SASH1: variants seen among roughly 807,000 people sequenced by gnomAD.
The protein encoded by SASH1 is SAM and SH3 domain containing 1.
Under a neutral mutation model 125.2 loss-of-function variants are expected in SASH1, and 44 were observed. That is an observed-to-expected ratio of 0.35 (90% CI 0.28 to 0.45). SASH1 has a LOEUF of 0.45. Among genes scored for constraint, SASH1 ranks in the 20% least tolerant of loss-of-function variants. SASH1 has a pLI of 1.00. For synonymous variants in SASH1, 639 were observed against 649.1 expected, an observed-to-expected ratio of 0.98 and a Z score of 0.24; for missense variants, 1,426 against 1,614.5, an observed-to-expected ratio of 0.88 and a Z score of 2.00.
chr6:148,457,825 CCTT>C (rs1305803607), intron 4 of SASH1, among the ~76,000 whole-genome samples: 11 of 152,148 alleles, frequency 7.2e-5, no homozygotes, highest in African/African-American at 2.7e-4. Context: ...ACAAACACAT[CCTT>C]CTTCACATGA....
chr6:148,421,012 A>T (rs1044553634), intron 2 of SASH1, among the ~76,000 whole-genome samples: 2 of 151,840 alleles, frequency 1.3e-5, no homozygotes, highest in Non-Finnish European at 2.9e-5. Context: ...TGAACCTGGG[A>T]GGCGGAGGTT....
Position 148,531,665 on chromosome 6 carries a change from A to C in SASH1, c.1564+4A>C, listed in dbSNP as rs1781528307. 1 of 1,516,808 alleles carries C rather than the reference A, an allele frequency of 6.6e-7. No homozygotes were observed. The highest frequency in any genetic ancestry group is 8.8e-7 in the Non-Finnish European group (1 of 1,132,586). 94.0% of individuals were successfully genotyped at this position (1,516,808 alleles called of 1,614,324 possible). On this transcript the variant is annotated splice_donor_region_variant and intron_variant, in intron 13 of 19. Coordinates refer to ENST00000367467, the MANE Select transcript of SASH1 (RefSeq NM_015278.5). ...CTCAGTGGGCAGAGCTCCATGAGTA[A>C]GTCGAGTTTGTCATTGTAGATTATT...
chr6:148,244,424 A>C, the SASH1 span, among the ~76,000 whole-genome samples: 1 of 152,190 alleles, frequency 6.6e-6, no homozygotes, highest in Non-Finnish European at 1.5e-5. Context: ...TCAGAATACT[A>C]CATGCACATA....
At chr6:148,543,076 G>A (rs142129287) in intron 17 of SASH1, among the ~76,000 whole-genome samples, 2,231 of 152,212 alleles carry the variant, frequency 0.015, 23 homozygotes, top group Non-Finnish European at 0.022. Flanking sequence ...GCTTTGCTGG[G>A]ACCTAAAACT....
At chr6:148,324,823 G>A (rs1236520675) in intron 1 of SASH1, among the ~76,000 whole-genome samples, 2 of 152,118 alleles carry the variant, frequency 1.3e-5, no homozygotes, top group East Asian at 3.9e-4. Context: ...TGGTAGTTCT[G>A]GTCAAACTAG....
intron 1 of SASH1, among the ~76,000 whole-genome samples, chr6:148,336,270 G>A (rs1781152313): frequency 1.4e-5 from 2 of 139,414 alleles, no homozygotes; most frequent in African/African-American, 2.7e-5. Context: ...CTACCTACCT[G>A]GTTCAAGAGA....
intron 1 of SASH1, among the ~76,000 whole-genome samples, chr6:148,277,480 A>G (rs1466709276): frequency 2.6e-5 from 4 of 152,222 alleles, no homozygotes; most frequent in African/African-American, 9.6e-5. Context: ...GGGGAGAGAC[A>G]CAGGGCAGAA....
chr6:148,345,249 A>G (rs1781485714), intron 1 of SASH1, among the ~76,000 whole-genome samples: 1 of 152,026 alleles, frequency 6.6e-6, no homozygotes, highest in African/African-American at 2.4e-5. Context: ...GGCCAGTGGC[A>G]TTTTCTGCAG....
At chr6:148,269,866 A>G (rs1450446005), upstream of SASH1, among the ~76,000 whole-genome samples, 1 of 152,238 alleles carries the variant, frequency 6.6e-6, no homozygotes, top group African/African-American at 2.4e-5. Context: ...TCTGGAAAGA[A>G]AACCTTAATT....
intron 1 of SASH1, among the ~76,000 whole-genome samples, chr6:148,287,702 TG>T (rs200082687): frequency 1.4e-5 from 2 of 139,426 alleles, no homozygotes; most frequent in African/African-American, 5.2e-5. Flanking sequence ...TGTGGGGGGG[TG>T]GGGGGTGGTA....
At chr6:148,505,448 G>T (rs895997282) in intron 8 of SASH1, among the ~76,000 whole-genome samples, 6 of 151,998 alleles carry the variant, frequency 3.9e-5, no homozygotes, top group Non-Finnish European at 8.8e-5. Context: ...TGAGTAGCTG[G>T]GATTACAGAT....
At chr6:148,231,758 C>T in the SASH1 span, among the ~76,000 whole-genome samples, 1 of 152,042 alleles carries the variant, frequency 6.6e-6, no homozygotes, top group Non-Finnish European at 1.5e-5. Context: ...TCATAAATAA[C>T]TCACATTTTC....
chr6:148,194,679 G>T, the SASH1 span, among the ~76,000 whole-genome samples: 3 of 152,184 alleles, frequency 2.0e-5, no homozygotes, highest in African/African-American at 7.2e-5. Flanking sequence ...AGGCCAAGGC[G>T]GGAGGATCAC....
chr6:148,305,827 C>T (rs142528523), intron 1 of SASH1, among the ~76,000 whole-genome samples: 297 of 152,168 alleles, frequency 2.0e-3, no homozygotes, highest in African/African-American at 6.8e-3. Flanking sequence ...GAAAGCCTTT[C>T]CTATGCTTAA....
At chr6:148,330,678 C>T (rs1386022153) in intron 1 of SASH1, among the ~76,000 whole-genome samples, 1 of 152,130 alleles carries the variant, frequency 6.6e-6, no homozygotes, top group African/African-American at 2.4e-5. Flanking sequence ...CTCCACTTCC[C>T]CAGTTCAAGC....
At chr6:148,422,307 C>G (rs890810492) in intron 2 of SASH1, among the ~76,000 whole-genome samples, 4 of 152,242 alleles carry the variant, frequency 2.6e-5, no homozygotes, top group Non-Finnish European at 5.9e-5. Context: ...AGTACTCCAC[C>G]TTGTCCCCTC....
intron 4 of SASH1, among the ~76,000 whole-genome samples, chr6:148,451,734 A>G (rs1777109859): frequency 6.6e-6 from 1 of 152,256 alleles, no homozygotes; most frequent in South Asian, 2.1e-4. Context: ...TTAGAAAATC[A>G]TGCTGTGGAA....
chr6:148,227,347 ATTTG>A, the SASH1 span, among the ~76,000 whole-genome samples: 1,043 of 152,030 alleles, frequency 6.9e-3, 9 homozygotes, highest in Middle Eastern at 0.031. Flanking sequence ...GCACTCAGGA[ATTTG>A]TTTGTTTGTT....
At chr6:148,242,267 G>T in the SASH1 span, among the ~76,000 whole-genome samples, 1 of 152,226 alleles carries the variant, frequency 6.6e-6, no homozygotes, top group Non-Finnish European at 1.5e-5. Context: ...AACAGAAAGG[G>T]TGGGAAAATA....
Sources: allele counts gnomAD v4.1 joint callset (sites outside exome capture counted in the v4.1 genomes callset), GRCh38; gene constraint gnomAD v4.1.1; transcripts MANE v1.5; gene names NCBI Gene and HGNC (gene_info 2026-07-23, HGNC 2026-07-21).